Variants in DMD observed in about 807,000 individuals in gnomAD.
The protein encoded by DMD is dystrophin.
DMD carries 63 observed loss-of-function variants against 330.1 expected under a neutral mutation model. The observed-to-expected ratio is 0.19, with a 90% CI of 0.16 to 0.24. DMD has a LOEUF of 0.24. Among genes scored for constraint, DMD ranks in the 10% least tolerant of loss-of-function variants. The pLI, the probability that DMD is intolerant of heterozygous loss-of-function variation, is 1.00. For synonymous variants in DMD, 1,223 were observed against 959.8 expected, an observed-to-expected ratio of 1.27 and a Z score of -5.07; for missense variants, 3,344 against 2,684.1, an observed-to-expected ratio of 1.25 and a Z score of -5.43.
At chrX:32,668,824 C>T (rs1272726240) in intron 9 of DMD, among the ~76,000 whole-genome samples, 1 of 109,507 alleles carries the variant, frequency 9.1e-6, no homozygotes. Context: ...AAGTAGGAAT[C>T]AATACTAATA....
chrX:31,611,306 C>G (rs972859126), intron 55 of DMD, among the ~76,000 whole-genome samples: 1 of 110,570 alleles, frequency 9.0e-6, no homozygotes, highest in Non-Finnish European at 1.9e-5. Context: ...TATCTTTTAC[C>G]TAGATCCATC....
chrX:32,019,933 A>C (rs1364333511), intron 44 of DMD, among the ~76,000 whole-genome samples: 2 of 112,838 alleles, frequency 1.8e-5, no homozygotes, highest in Non-Finnish European at 3.7e-5. Context: ...TATAGATATT[A>C]AAGCCCTAGC....
chrX:33,050,942 C>T (rs2094448343), intron 1 of DMD, among the ~76,000 whole-genome samples: 1 of 111,325 alleles, frequency 9.0e-6, no homozygotes, highest in Non-Finnish European at 1.9e-5. Context: ...CAAGTCTACC[C>T]ATTCTTCTAG....
At chrX:31,180,504 A>G (rs2041043144) in intron 68 of DMD, 23 bp from the exon 69 acceptor site, 1 of 978,320 alleles carries the variant, frequency 1.0e-6, no homozygotes, top group South Asian at 1.9e-5. Flanking sequence ...AAAAACAAAC[A>G]CGTATGTATT....
chrX:32,893,797 C>T (rs1434756477), intron 2 of DMD, among the ~76,000 whole-genome samples: 2 of 111,737 alleles, frequency 1.8e-5, no homozygotes, highest in African/African-American at 6.5e-5. Context: ...CCCACTTTCT[C>T]ATTCCTACTT....
chrX:31,730,371 C>T (rs2086415076), intron 51 of DMD, among the ~76,000 whole-genome samples: 1 of 111,754 alleles, frequency 8.9e-6, no homozygotes, highest in Non-Finnish European at 1.9e-5. Flanking sequence ...AATAAATTAT[C>T]TAATTAACTT....
At chrX:32,431,737 A>G (rs929720733) in intron 29 of DMD, among the ~76,000 whole-genome samples, 36 of 111,111 alleles carry the variant, frequency 3.2e-4, no homozygotes, top group Non-Finnish European at 5.7e-5. Flanking sequence ...AATAACATTT[A>G]TTTCTATAAT....
intron 41 of DMD, among the ~76,000 whole-genome samples, 192 bp downstream of exon 41, chrX:32,341,908 T>C (rs1352814489): frequency 9.0e-6 from 1 of 111,552 alleles, no homozygotes; most frequent in African/African-American, 3.3e-5. Context: ...TAATTTCTTG[T>C]GTCTTTAATT....
intron 55 of DMD, among the ~76,000 whole-genome samples, chrX:31,590,365 A>G (rs765287507): frequency 3.6e-5 from 4 of 111,370 alleles, no homozygotes; most frequent in Non-Finnish European, 7.6e-5. Context: ...TCCAATGCAA[A>G]AAGGTCCCAG....
chrX:33,126,776 G>A (rs200411534), intron 1 of DMD, among the ~76,000 whole-genome samples: 3 of 111,370 alleles, frequency 2.7e-5, no homozygotes, highest in African/African-American at 6.5e-5. Context: ...AGCTGTGAAG[G>A]TTCAATAAAT....
chrX:32,907,340 ATT>A (rs1312159306), intron 2 of DMD, among the ~76,000 whole-genome samples: 1 of 112,339 alleles, frequency 8.9e-6, no homozygotes, highest in Non-Finnish European at 1.9e-5. Context: ...TATCATATTG[ATT>A]TTGTGTCAAA....
At chrX:33,041,021 G>A (rs1050615932) in intron 1 of DMD, among the ~76,000 whole-genome samples, 9 of 112,528 alleles carry the variant, frequency 8.0e-5, no homozygotes, top group African/African-American at 2.9e-4. Flanking sequence ...GATGGAATCT[G>A]TAAAATGATG....
chrX:32,264,198 G>T (rs2097334917), intron 43 of DMD, among the ~76,000 whole-genome samples: 11 of 110,906 alleles, frequency 9.9e-5, no homozygotes, highest in Admixed American at 9.6e-4. Flanking sequence ...TTCATAAGGG[G>T]CTTTTCCTCC....
intron 61 of DMD, among the ~76,000 whole-genome samples, chrX:31,341,743 T>C (rs1293363731): frequency 9.0e-6 from 1 of 111,613 alleles, no homozygotes; most frequent in Non-Finnish European, 1.9e-5. Context: ...CTTGGTTATG[T>C]CATTTGATCG....
At chrX:32,156,631 TACACAC>T (rs747490085) in intron 44 of DMD, among the ~76,000 whole-genome samples, 2,289 of 93,956 alleles carry the variant, frequency 0.024, 61 homozygotes, top group African/African-American at 0.074. Flanking sequence ...GACAAAAGGA[TACACAC>T]ACACACACAC....
intron 7 of DMD, among the ~76,000 whole-genome samples, chrX:32,728,688 T>G (rs752142196): frequency 8.9e-6 from 1 of 112,464 alleles, no homozygotes; most frequent in Non-Finnish European, 1.9e-5. Context: ...GGCAGATATC[T>G]TTGGGAATAT....
chrX:32,341,117 T>C (rs752861975), intron 41 of DMD, among the ~76,000 whole-genome samples: 1 of 111,887 alleles, frequency 8.9e-6, no homozygotes, highest in South Asian at 3.7e-4. Flanking sequence ...CAGAAGAAGT[T>C]CCCAAGAAGT....
intron 52 of DMD, among the ~76,000 whole-genome samples, chrX:31,720,387 T>A (rs1002114103): frequency 8.9e-6 from 1 of 111,923 alleles, no homozygotes; most frequent in Non-Finnish European, 1.9e-5. Context: ...AAATGCATGA[T>A]GCCATCAGGG....
chrX:32,534,361 TA>T (rs765503486), intron 17 of DMD, among the ~76,000 whole-genome samples: 5 of 111,208 alleles, frequency 4.5e-5, no homozygotes, highest in Non-Finnish European at 7.5e-5. Flanking sequence ...CCTCACGGCT[TA>T]GTGCTGTCTT....
Sources: allele counts gnomAD v4.1 joint callset (sites outside exome capture counted in the v4.1 genomes callset), GRCh38; gene constraint gnomAD v4.1.1; transcripts MANE v1.5; gene names NCBI Gene and HGNC (gene_info 2026-07-23, HGNC 2026-07-21).